LRRC28: variants seen among roughly 807,000 people sequenced by gnomAD.
LRRC28 encodes leucine rich repeat containing 28.
Under a neutral mutation model 45.7 loss-of-function variants are expected in LRRC28, and 39 were observed. That is an observed-to-expected ratio of 0.85 (90% CI 0.66 to 1.12). The LOEUF (loss-of-function observed/expected upper bound fraction) is 1.12. Among genes scored for constraint, LRRC28 ranks in the 50% most tolerant of loss-of-function variants. The probability of loss-of-function intolerance (pLI) is 0.00; values close to 1 mark genes in which losing one functional copy is unlikely to be tolerated. For synonymous variants in LRRC28, 206 were observed against 178.8 expected (o/e 1.15, Z -1.22); for missense variants, 435 against 438.5 (o/e 0.99, Z 0.07).
At position 99,303,743 on chromosome 15, in the gene LRRC28, AGAATCGCATG is replaced by A. The variant is rs113975592; in HGVS notation, c.385+15793_385+15802del. Among the ~76,000 whole-genome samples the A allele has an allele frequency of 9.2e-5, 14 of 152,266 alleles. 2 individuals are homozygous for A. Among genetic ancestry groups the A allele is most frequent in the African/African-American group, 3.1e-4 (13 of 41,548 alleles). ...CAGCTACTCAGGAGGCTGAGGCAGGAGAATCGCATGAATCCGGGAGGTGGAGGTTGCAGTG... is the reference window on the plus strand; with the variant it reads ...CAGCTACTCAGGAGGCTGAGGCAGGAAATCCGGGAGGTGGAGGTTGCAGTG... On this transcript the variant is annotated intron_variant, in intron 5 of 9. Coordinates refer to ENST00000301981, the MANE Select transcript of LRRC28 (RefSeq NM_144598.5).
Position 99,334,039 on chromosome 15 carries a change from C to T in LRRC28, c.502C>T (p.Arg168Cys), listed in dbSNP as rs753306548. ...SLQYLTVDRN[R>C]LWYVPRHLCQ... Reference sequence around the variant, plus strand: ...GCAGTACCTCACTGTGGACCGAAATCGTCTATGGTATGTGCCGCGCCATCT... The same window carrying T: ...GCAGTACCTCACTGTGGACCGAAATTGTCTATGGTATGTGCCGCGCCATCT... Residue 168 changes from arginine to cysteine, a missense_variant, in exon 6 of 10, where the codon CGT becomes TGT. Physicochemically the swap from Arg to Cys is radical, Grantham distance 180 (BLOSUM62 -3). Coordinates refer to ENST00000301981, the MANE Select transcript of LRRC28 (RefSeq NM_144598.5). 5 of 1,614,108 alleles carry T rather than the reference C, an allele frequency of 3.1e-6. No individual in the cohort carries two copies. Among genetic ancestry groups the T allele is most frequent in the East Asian group, 2.2e-5 (1 of 44,890 alleles).
intron 3 of LRRC28, chr15:99,285,439 C>G: frequency 1.2e-6 from 1 of 801,714 alleles, no homozygotes; most frequent in Non-Finnish European, 2.2e-6. Context: ...GTTGGGATCT[C>G]CCATGACCAC....
chr15:99,272,041 A>G (rs1175407644), intron 2 of LRRC28, among the ~76,000 whole-genome samples: 2 of 152,188 alleles, frequency 1.3e-5, no homozygotes, highest in Admixed American at 1.3e-4. Context: ...TTGTTGATCC[A>G]TTTTGAGTTA....
chr15:99,323,818 G>T (rs1490528425), intron 5 of LRRC28, among the ~76,000 whole-genome samples: 3 of 152,142 alleles, frequency 2.0e-5, no homozygotes, highest in Non-Finnish European at 4.4e-5. Flanking sequence ...TTAATCTCCT[G>T]AGTTAGGTGT....
chr15:99,287,792 C>G (rs1360923073), intron 4 of LRRC28, 22 bp from the exon 5 acceptor site: 1 of 1,577,490 alleles, frequency 6.3e-7, no homozygotes, highest in East Asian at 2.3e-5. Context: ...ATTCATTTTG[C>G]CTTCTCCTTT....
intron 7 of LRRC28, among the ~76,000 whole-genome samples, chr15:99,358,947 G>A (rs1223685163): frequency 6.6e-6 from 1 of 151,854 alleles, no homozygotes; most frequent in East Asian, 1.9e-4. Flanking sequence ...GTGGTGGCGG[G>A]TGCCTGTAAT....
At chr15:99,258,805 A>G (rs565598722) in intron 2 of LRRC28, 5 of 697,094 alleles carry the variant, frequency 7.2e-6, no homozygotes, top group East Asian at 5.6e-5. Flanking sequence ...CACGTGGCCT[A>G]TTTGATGAAT....
chr15:99,282,176 G>GTTTTTTTTTTTTTTTTTTTTTT, intron 3 of LRRC28, among the ~76,000 whole-genome samples: 1 of 33,888 alleles, frequency 3.0e-5, no homozygotes, highest in Non-Finnish European at 5.5e-5. Flanking sequence ...AATTTTTGGA[G>GTTTTTTTTTTTTTTTTTTTTTT]GTTTTTTTTT....
At chr15:99,330,760 T>C (rs1956135029) in intron 5 of LRRC28, among the ~76,000 whole-genome samples, 1 of 152,166 alleles carries the variant, frequency 6.6e-6, no homozygotes, top group African/African-American at 2.4e-5. Flanking sequence ...CATTTTGCTA[T>C]GTGTAGTCTA....
At chr15:99,377,600 G>A (rs1957680997) in intron 9 of LRRC28, among the ~76,000 whole-genome samples, 2 of 152,210 alleles carry the variant, frequency 1.3e-5, no homozygotes, top group East Asian at 3.9e-4. Context: ...TGGTGTTTTA[G>A]ACATGAAGTC....
intron 5 of LRRC28, among the ~76,000 whole-genome samples, chr15:99,308,679 A>G (rs1406001657): frequency 6.6e-6 from 1 of 152,244 alleles, no homozygotes; most frequent in Non-Finnish European, 1.5e-5. Context: ...TCTCCAAAAA[A>G]TAAATAAATG....
chr15:99,257,552 G>A (rs1302082855), intron 2 of LRRC28: 2 of 507,104 alleles, frequency 3.9e-6, no homozygotes, highest in Non-Finnish European at 7.4e-6. Context: ...CTGGAGGTGT[G>A]AGGATCCAAC....
rs766338889 is a variant in LRRC28 at position 99,282,177 on chromosome 15, GT to G, written c.210-5066del. ...GGATTCCTTATGCAAATTTTTGGAG[GT>G]TTTTTTTTTTTTTGTAGCAGTAGCT... On this transcript the variant is annotated intron_variant, in intron 3 of 9. Transcript: ENST00000301981. Among the ~76,000 whole-genome samples, 80 of 98,032 alleles carry G rather than the reference GT, an allele frequency of 8.2e-4. 5 individuals carry two copies. The highest frequency in any genetic ancestry group is 1.5e-3 in the Admixed American group (12 of 8,006). The allele number at this position is 98,032 out of a possible 152,430, so 64.3% of individuals were successfully genotyped here.
chr15:99,383,801 C>A (rs1473732859), intron 9 of LRRC28, among the ~76,000 whole-genome samples: 1 of 152,152 alleles, frequency 6.6e-6, no homozygotes, highest in Non-Finnish European at 1.5e-5. Context: ...CACCCTGGGT[C>A]CTCTCTGCAT....
intron 5 of LRRC28, among the ~76,000 whole-genome samples, chr15:99,327,983 A>C (rs1956039192): frequency 1.3e-5 from 2 of 152,134 alleles, no homozygotes; most frequent in African/African-American, 4.8e-5. Flanking sequence ...GGTTATTTAG[A>C]AGTGTGTTGT....
intron 2 of LRRC28, among the ~76,000 whole-genome samples, chr15:99,266,736 A>G (rs903108218): frequency 6.6e-6 from 1 of 152,222 alleles, no homozygotes; most frequent in Non-Finnish European, 1.5e-5. Context: ...GATATTCATC[A>G]ATAATGGATT....
intron 2 of LRRC28, among the ~76,000 whole-genome samples, chr15:99,270,550 C>G (rs1453803099): frequency 1.3e-5 from 2 of 151,540 alleles, no homozygotes. Context: ...TATCTGGCTT[C>G]TTTCACTTAG....
At chr15:99,271,189 G>A (rs773600581) in intron 2 of LRRC28, among the ~76,000 whole-genome samples, 13 of 151,966 alleles carry the variant, frequency 8.6e-5, no homozygotes, top group Admixed American at 1.3e-4. Flanking sequence ...TGATTTGTAA[G>A]TATTTTCTCC....
At chr15:99,361,655 TTAAG>T (rs1225528290) in intron 8 of LRRC28, 144 bp downstream of exon 8, 1 of 760,920 alleles carries the variant, frequency 1.3e-6, no homozygotes, top group Non-Finnish European at 2.1e-6. Flanking sequence ...TTATCCATCT[TTAAG>T]TATACAGTTC....
Sources: gnomAD v4.1 joint callset for allele counts (sites outside exome capture counted in the v4.1 genomes callset) on GRCh38, gnomAD v4.1.1 for gene constraint, MANE v1.5 for transcripts, NCBI Gene and HGNC (gene_info 2026-07-23, HGNC 2026-07-21) for gene names.